The following LRP2 variants were observed in gnomAD, a reference collection of about 807,000 sequenced individuals.
The protein encoded by LRP2 is low-density lipoprotein receptor-related protein 2.
A neutral mutation model predicts 531.0 loss-of-function variants in LRP2; 172 were observed. The ratio of observed to expected loss-of-function variants is 0.32; its 90% confidence interval spans 0.29 to 0.37. The LOEUF (loss-of-function observed/expected upper bound fraction) is 0.37. Ranked by LOEUF, LRP2 falls within the 10% of genes least tolerant of loss-of-function variation. The pLI is 1.00. For missense variants in LRP2, 5,167 were observed against 5,868.3 expected (o/e 0.88, Z 3.90); for synonymous variants, 1,992 against 2,027.6 (o/e 0.98, Z 0.47).
At chr2:169,138,857 C>G in intron 74 of LRP2, 151 bp from the exon 75 acceptor site, 2 of 905,858 alleles carry the variant, frequency 2.2e-6, no homozygotes, top group African/African-American at 1.7e-5. Flanking sequence ...TTTACACTGT[C>G]AAATATGGTA....
At chr2:169,204,360 GT>G in intron 41 of LRP2, 89 bp from the exon 42 acceptor site, 1 of 1,223,074 alleles carries the variant, frequency 8.2e-7, no homozygotes, top group Non-Finnish European at 1.2e-6. Flanking sequence ...CCTCATCATT[GT>G]TTACACAAGC....
chr2:169,323,641 A>C (rs1009487061), intron 1 of LRP2, among the ~76,000 whole-genome samples: 6 of 151,990 alleles, frequency 3.9e-5, no homozygotes, highest in African/African-American at 1.4e-4. Flanking sequence ...AAAAAAAAAA[A>C]AGCTAAGGGG....
At position 169,244,694 on chromosome 2, in the gene LRP2, G is replaced by A; in HGVS notation, c.3429C>T (p.Cys1143=). 3 of 1,614,200 alleles carry A rather than the reference G, an allele frequency of 1.9e-6. No homozygotes were observed. The highest frequency in any genetic ancestry group is 2.5e-6 in the Non-Finnish European group (3 of 1,180,042). ...AAGGGAAACCAGCTCAAAACTTACT[G>A]CAGTTCTTTTCATCAGATCCATCCC... The part of the protein sequence containing the change: ...DCGDGSDEKN[C]NSTETCQPSQ... The change falls in exon 22 of 79, where the codon TGC becomes TGT. Residue 1143 remains cysteine, a splice_region_variant and synonymous_variant. Coordinates refer to ENST00000649046, the MANE Select transcript of LRP2 (RefSeq NM_004525.3).
chr2:169,222,541 A>G (rs1166843752), intron 33 of LRP2, among the ~76,000 whole-genome samples: 1 of 152,114 alleles, frequency 6.6e-6, no homozygotes, highest in East Asian at 1.9e-4. Context: ...CCCCTCATCC[A>G]TGGGGGACAA....
intron 4 of LRP2, 101 bp from the exon 5 acceptor site, chr2:169,294,811 G>T (rs1302450775): frequency 8.3e-6 from 6 of 723,518 alleles, no homozygotes; most frequent in Non-Finnish European, 9.5e-6. Context: ...CTATATGCAA[G>T]TCACTAAATG....
chr2:169,295,686 C>T (rs971520857), intron 4 of LRP2, among the ~76,000 whole-genome samples: 1 of 152,060 alleles, frequency 6.6e-6, no homozygotes, highest in Admixed American at 6.5e-5. Context: ...TCACTGTGCA[C>T]ACTTAGTACA....
At chr2:169,147,290 A>G (rs1685952201) in intron 68 of LRP2, among the ~76,000 whole-genome samples, 1 of 152,218 alleles carries the variant, frequency 6.6e-6, no homozygotes. Flanking sequence ...TGTAAGAGGC[A>G]CTGTTCTGTG....
rs138957150 is a variant in LRP2, at chr2:169,311,363, C to T, written c.311-3966G>A. ...AGTGCTATAAATTTCCCTCTACACACGCTTTAAGTGTGTCCCAGAGATTCT... is the reference window on the plus strand; with the variant it reads ...AGTGCTATAAATTTCCCTCTACACATGCTTTAAGTGTGTCCCAGAGATTCT... On this transcript the variant is annotated intron_variant, in intron 3 of 78. Transcript: ENST00000649046. Among the ~76,000 whole-genome samples the T allele has an allele frequency of 3.8e-3, 576 of 152,240 alleles. 6 individuals are homozygous for T. Among genetic ancestry groups the T allele is most frequent in the Middle Eastern group, 3.4e-3 (1 of 294 alleles).
intron 26 of LRP2, 102 bp from the exon 27 acceptor site, chr2:169,238,404 T>C: frequency 1.2e-6 from 1 of 846,406 alleles, no homozygotes; most frequent in Non-Finnish European, 1.9e-6. Context: ...AGAAAGAAGG[T>C]GTAATTCCAA....
At chr2:169,333,360 A>G (rs1277311999) in intron 1 of LRP2, among the ~76,000 whole-genome samples, 1 of 152,062 alleles carries the variant, frequency 6.6e-6, no homozygotes, top group African/African-American at 2.4e-5. Flanking sequence ...AGGACCTCCT[A>G]GTACCCAGCC....
Position 169,191,826 on chromosome 2 carries a change from A to G in LRP2, c.9032+6T>C, listed in dbSNP as rs368040043. On this transcript the variant is annotated splice_donor_region_variant and intron_variant, in intron 48 of 78. Transcript: ENST00000649046. ...ATGCTGGGTAACTTCTGAATCCTCA[A>G]TTCACCTGAATATCTTTGGGATACA... 9 of 1,613,690 alleles carry G rather than the reference A, an allele frequency of 5.6e-6. No individual in the cohort carries two copies. The highest frequency in any genetic ancestry group is 7.6e-6 in the Non-Finnish European group (9 of 1,179,774).
At chr2:169,256,280 C>G in intron 18 of LRP2, 44 bp from the exon 19 acceptor site, 2 of 1,573,844 alleles carry the variant, frequency 1.3e-6, no homozygotes, top group Non-Finnish European at 1.7e-6. Flanking sequence ...CAAAAACTAT[C>G]AGAGCACCCT....
chr2:169,201,740 G>A lies in LRP2; in HGVS notation c.8340C>T (p.Cys2780=). 1 of 1,614,176 alleles carries A rather than the reference G, an allele frequency of 6.2e-7. No individual in the cohort carries two copies. The highest frequency in any genetic ancestry group is 8.5e-7 in the Non-Finnish European group (1 of 1,180,034). Residue 2780 remains cysteine (C), a synonymous_variant, in exon 44 of 79, where the codon TGC becomes TGT. Coordinates refer to ENST00000649046, the MANE Select transcript of LRP2 (RefSeq NM_004525.3). ...TGCACATAAACTCCGTGGTGGCATT[G>A]CAGTCCCTGAACAGGCACCCTGCCT... ...SDEAGCLFRD[C]NATTEFMCNN... is the part of the protein sequence containing the mutation.
chr2:169,139,107 A>T, intron 74 of LRP2, 144 bp downstream of exon 74: 1 of 1,212,748 alleles, frequency 8.2e-7, no homozygotes, highest in African/African-American at 1.5e-5. Flanking sequence ...TGACTGCTTT[A>T]CATCCTCACT....
intron 4 of LRP2, among the ~76,000 whole-genome samples, chr2:169,300,469 T>C (rs1315110490): frequency 6.6e-6 from 1 of 151,938 alleles, no homozygotes; most frequent in Admixed American, 6.6e-5. Context: ...ATATCACATA[T>C]GTAAAAAAAA....
chr2:169,278,043 T>G (rs555843338), intron 12 of LRP2, 92 bp from the exon 13 acceptor site: 16 of 1,015,618 alleles, frequency 1.6e-5, no homozygotes, highest in East Asian at 5.0e-5. Context: ...CAATGGAAAT[T>G]TTATCCAGCT....
At chr2:169,209,348 T>C (rs1688510268) in intron 38 of LRP2, 105 bp downstream of exon 38, 6 of 1,063,392 alleles carry the variant, frequency 5.6e-6, no homozygotes, top group Admixed American at 1.7e-5. Context: ...TTAATAATTG[T>C]CTAGAAAAAC....
At chr2:169,247,865 G>A (rs760111531) in intron 19 of LRP2, among the ~76,000 whole-genome samples, 58 of 152,146 alleles carry the variant, frequency 3.8e-4, no homozygotes, top group Non-Finnish European at 7.2e-4. Context: ...GTCTGCACCC[G>A]CTAAAGCACT....
At position 169,213,839 on chromosome 2, in the gene LRP2, C is replaced by T. The variant is rs1380771986; in HGVS notation, c.5858G>A (p.Arg1953Gln). ...GGAAAGCTGGTGTACCAGGATCATT[C>T]GATCTGTTCCATCCACGTTTCCTCT... ...IERGNVDGTD[R>Q]MILVHQLSHP... is the part of the protein sequence containing the mutation. The change falls in exon 36 of 79, where the codon CGA becomes CAA. Residue 1953 changes from arginine (R) to glutamine (Q), a missense_variant. Physicochemically the swap from Arg to Gln is conservative, Grantham distance 43. Transcript: ENST00000649046. 2 of 1,613,606 alleles carry T rather than the reference C, an allele frequency of 1.2e-6. No homozygotes were observed. The highest frequency in any genetic ancestry group is 1.7e-4 in the Middle Eastern group (1 of 6,052).
Sources: allele counts gnomAD v4.1 joint callset (sites outside exome capture counted in the v4.1 genomes callset), GRCh38; gene constraint gnomAD v4.1.1; transcripts MANE v1.5; gene names NCBI Gene and HGNC (gene_info 2026-07-23, HGNC 2026-07-21).